CEP95: variants seen among roughly 807,000 people sequenced by gnomAD.
The protein encoded by CEP95 is centrosomal protein 95.
In CEP95, 98 loss-of-function variants were observed where a neutral mutation model predicts 111.2. The ratio of observed to expected loss-of-function variants is 0.88; its 90% CI spans 0.75 to 1.04. CEP95 has a LOEUF of 1.04. Ranked by LOEUF, CEP95 falls within the 50% of genes least tolerant of loss-of-function variation. The pLI, the probability that CEP95 is intolerant of heterozygous loss-of-function variation, is 0.00. For synonymous variants in CEP95, 323 were observed against 327.1 expected, an observed-to-expected ratio of 0.99 and a Z score of 0.14; for missense variants, 1,027 against 977.2, an observed-to-expected ratio of 1.05 and a Z score of -0.68.
At chr17:64,506,782 C>G (rs1392055533), upstream of CEP95, 1 of 532,618 alleles carries the variant, frequency 1.9e-6, no homozygotes, top group Non-Finnish European at 3.4e-6. Context: ...CACCCCGGGA[C>G]CCGCCCGGGC....
chr17:64,518,921 T>C (rs762752282), intron 5 of CEP95, among the ~76,000 whole-genome samples: 156 of 152,274 alleles, frequency 1.0e-3, no homozygotes, highest in Admixed American at 1.7e-3. Flanking sequence ...CCTCAGGCAA[T>C]CCACCTATGT....
chr17:64,514,558 C>T (rs1445401188), intron 4 of CEP95, 200 bp downstream of exon 4: 1 of 426,118 alleles, frequency 2.3e-6, no homozygotes, highest in Non-Finnish European at 4.2e-6. Context: ...TCTTTATCAA[C>T]TTGGATGTTG....
At chr17:64,522,638 T>A in intron 7 of CEP95, 64 bp from the exon 8 acceptor site, 1 of 1,034,304 alleles carries the variant, frequency 9.7e-7, no homozygotes, top group Non-Finnish European at 1.5e-6. Flanking sequence ...TATGTATGTA[T>A]GTATATAAAA....
chr17:64,508,534 CTG>C (rs1220538171), intron 1 of CEP95, 56 bp from the exon 2 acceptor site: 45 of 1,285,422 alleles, frequency 3.5e-5, no homozygotes, highest in Admixed American at 2.9e-4. Context: ...TTTTAAATGT[CTG>C]TGTGATTTTT....
rs1238148993 is a variant in CEP95 at position 64,508,226 on chromosome 17, A to G, written c.20-366A>G. On this transcript the variant is annotated intron_variant, in intron 1 of 19. Transcript: ENST00000556440. ...GAGTTTCTGGTAACCTCGGATTATC[A>G]TTAAACTGTTGTTTATGACATAATA... 4 of 985,208 alleles carry G rather than the reference A, an allele frequency of 4.1e-6. No individual in the cohort carries two copies. The African/African-American group carries it at 5.3e-5, about 13-fold the overall frequency. The allele number at this position is 985,208 out of a possible 1,614,324, so 61.0% of individuals were successfully genotyped here.
intron 1 of CEP95, chr17:64,508,114 C>T (rs191388134): frequency 1.1e-4 from 106 of 985,302 alleles, no homozygotes; most frequent in South Asian, 9.9e-4. Flanking sequence ...CCACTTTTTC[C>T]GGCACCAGAG....
chr17:64,525,968 G>A (rs782252119), intron 9 of CEP95, 86 bp downstream of exon 9: 1 of 1,492,210 alleles, frequency 6.7e-7, no homozygotes, highest in African/African-American at 1.4e-5. Flanking sequence ...ATTTAGCTGT[G>A]AAGACCAGAA....
chr17:64,520,913 CA>C (rs1967280665), intron 6 of CEP95, among the ~76,000 whole-genome samples: 1 of 152,116 alleles, frequency 6.6e-6, no homozygotes, highest in Admixed American at 6.5e-5. Flanking sequence ...TTCTGGATTA[CA>C]AAATGGCATC....
At chr17:64,512,241 C>T (rs868920683) in intron 3 of CEP95, among the ~76,000 whole-genome samples, 2 of 152,158 alleles carry the variant, frequency 1.3e-5, no homozygotes, top group Admixed American at 6.5e-5. Flanking sequence ...TGTTTGCAAT[C>T]GGAAGAACTC....
intron 4 of CEP95, chr17:64,516,156 A>G (rs114969581): frequency 2.0e-5 from 3 of 152,240 alleles, no homozygotes; most frequent in African/African-American, 4.8e-5. Flanking sequence ...ATCTCTAGAC[A>G]TGGGCATGAG....
intron 14 of CEP95, 82 bp downstream of exon 14, chr17:64,532,104 A>C (rs1968322077): frequency 1.7e-5 from 24 of 1,406,292 alleles, no homozygotes; most frequent in Non-Finnish European, 2.1e-5. Context: ...CAGCACTGAA[A>C]GCTAACATCC....
intron 7 of CEP95, among the ~76,000 whole-genome samples, chr17:64,522,269 T>C (rs1967410936): frequency 6.6e-6 from 1 of 152,196 alleles, no homozygotes; most frequent in Admixed American, 6.5e-5. Context: ...TCACATAACA[T>C]AACATTCTTC....
intron 13 of CEP95, 113 bp downstream of exon 13, chr17:64,531,131 T>G: frequency 1.9e-6 from 1 of 535,320 alleles, no homozygotes. Flanking sequence ...ATGAGCTCTT[T>G]AGGAAAAGGC....
intron 6 of CEP95, chr17:64,520,523 A>T (rs1967238324): frequency 1.3e-5 from 2 of 150,512 alleles, no homozygotes; most frequent in South Asian, 4.2e-4. Context: ...GCGGTGGCGC[A>T]ATCTCGGCTC....
chr17:64,522,254 A>G (rs1439322496), intron 7 of CEP95, among the ~76,000 whole-genome samples: 1 of 152,224 alleles, frequency 6.6e-6, no homozygotes, highest in Non-Finnish European at 1.5e-5. Flanking sequence ...TGGACGAACC[A>G]TAATTCACAT....
chr17:64,521,252 A>G (rs1448524380), intron 6 of CEP95, 150 bp from the exon 7 acceptor site: 2 of 600,254 alleles, frequency 3.3e-6, no homozygotes, highest in Non-Finnish European at 5.8e-6. Flanking sequence ...GAAAAATAAT[A>G]ATTGGTATTT....
rs781908567 is a variant in CEP95 at position 64,522,780 on chromosome 17, C to T, written c.794C>T (p.Pro265Leu). 5.0e-6 allele frequency: 8 copies of T among 1,613,664 alleles called. No individual in the cohort carries two copies. In the East Asian group the frequency reaches 1.1e-4, roughly 22 times the overall value. The change falls in exon 8 of 20, where the codon CCA becomes CTA. Residue 265 changes from proline (P) to leucine (L), a missense_variant. Coordinates refer to ENST00000556440, the MANE Select transcript of CEP95 (RefSeq NM_138363.3). ...ATCCGAGCAGCTATTCCTTTACATC[C>T]ACCCTACCACCCTTCAGAGCCTCGA... ...EPIRAAIPLH[P>L]PYHPSEPRAP...
rs781792861 is a variant in CEP95 at position 64,519,474 on chromosome 17, C to T, written c.589+38C>T. The T allele has an allele frequency of 5.0e-6, 7 of 1,410,230 alleles. No homozygotes were observed. In the African/African-American group the frequency reaches 7.1e-5, roughly 14 times the overall value. The allele number at this position is 1,410,230 out of a possible 1,614,324, so 87.4% of individuals were successfully genotyped here. On this transcript the variant is annotated intron_variant, in intron 6 of 19. Coordinates refer to ENST00000556440, the MANE Select transcript of CEP95 (RefSeq NM_138363.3). ...ACCTGAAGTATCAGTTATTATTCAACATACAACTATAAAAATGTAAATGGT... is the reference window on the plus strand; with the variant it reads ...ACCTGAAGTATCAGTTATTATTCAATATACAACTATAAAAATGTAAATGGT...
chr17:64,532,586 G>A, intron 14 of CEP95: 1 of 1,263,440 alleles, frequency 7.9e-7, no homozygotes, highest in Non-Finnish European at 1.0e-6. Flanking sequence ...AGGCACTGAA[G>A]CGGCTGAGCA....
Sources: allele counts gnomAD v4.1 joint callset (sites outside exome capture counted in the v4.1 genomes callset), GRCh38; gene constraint gnomAD v4.1.1; transcripts MANE v1.5; gene names NCBI Gene and HGNC (gene_info 2026-07-23, HGNC 2026-07-21).